LOXL2: variants seen among roughly 807,000 people sequenced by gnomAD.
LOXL2 encodes lysyl oxidase homolog 2.
LOXL2 carries 70 observed loss-of-function variants against 93.0 expected under a neutral mutation model. The ratio of observed to expected loss-of-function variants is 0.75; its 90% confidence interval spans 0.62 to 0.92. The LOEUF (loss-of-function observed/expected upper bound fraction) is 0.92, where lower values mean the gene tolerates loss of function less well. LOXL2 is among the 40% of genes least tolerant of loss of function. The pLI is 0.00. For synonymous variants in LOXL2, 438 were observed against 413.2 expected, an observed-to-expected ratio of 1.06 and a Z score of -0.73; for missense variants, 973 against 1,054.9, an observed-to-expected ratio of 0.92 and a Z score of 1.08.
chr8:23,379,655 CG>C, intron 1 of LOXL2, among the ~76,000 whole-genome samples: 1 of 10,868 alleles, frequency 9.2e-5, no homozygotes, highest in Non-Finnish European at 1.4e-4. Flanking sequence ...CTCCCCCAGC[CG>C]CCTTGCTGCC....
In LOXL2 at chr8:23,403,156, T is replaced by C. The variant is rs759144851; in HGVS notation, c.-84+798A>G. Among the ~76,000 whole-genome samples the C allele has an allele frequency of 3.4e-4, 52 of 152,044 alleles. 2 individuals carry two copies. The highest frequency in any genetic ancestry group is 1.3e-4 in the Non-Finnish European group (9 of 68,000). The stretch of plus-strand genomic sequence containing the variant: ...GAAGGGGCGCGGTGGGCAAAGCGCC[T>C]GCGTAAAAGTTGTAGGCACTTCAGA... On this transcript the variant is annotated intron_variant, in intron 1 of 13. Transcript: ENST00000389131.
rs551085764 is a variant in LOXL2, at chr8:23,388,424, T to A, written c.-84+15530A>T. Among the ~76,000 whole-genome samples the A allele has an allele frequency of 5.3e-5, 8 of 150,526 alleles. No homozygotes were observed. The South Asian group carries it at 6.4e-4, about 12-fold the overall frequency. ...GAGATCCTGTCTCTACAAAAAAATT[T>A]TTTTTTTTAATTGGCTGGGCATGGT... On this transcript the variant is annotated intron_variant, in intron 1 of 13. Transcript: ENST00000389131.
chr8:23,390,818 T>C (rs367889226), intron 1 of LOXL2, among the ~76,000 whole-genome samples: 2 of 152,192 alleles, frequency 1.3e-5, no homozygotes, highest in African/African-American at 4.8e-5. Flanking sequence ...GGATGCCTTA[T>C]TAGTCTGTTT....
Position 23,360,200 on chromosome 8 carries a change from T to G in LOXL2, c.421A>C (p.Asn141His). The G allele has an allele frequency of 6.2e-7, 1 of 1,614,066 alleles. No individual in the cohort carries two copies. Residue 141 changes from asparagine (N) to histidine (H), a missense_variant, in exon 3 of 14, where the codon AAT (asparagine) becomes CAT (histidine). Transcript: ENST00000389131. ...NEATLAACTS[N>H]GWGVTDCKHT... ...TTGCAGTCAGTGACGCCCCAGCCAT[T>G]GGAGGTGCATGCTGCAAGGGTCGCC...
intron 1 of LOXL2, among the ~76,000 whole-genome samples, chr8:23,378,197 G>A (rs1804622525): frequency 6.6e-6 from 1 of 152,182 alleles, no homozygotes; most frequent in Admixed American, 6.5e-5. Context: ...CTTCACTTAT[G>A]AAGCTTAGTT....
chr8:23,298,595 C>G (rs929090421), intron 13 of LOXL2, among the ~76,000 whole-genome samples: 5 of 152,218 alleles, frequency 3.3e-5, no homozygotes, highest in Admixed American at 6.5e-5. Flanking sequence ...CCTTAAAAAG[C>G]CTTGGGGTCT....
intron 6 of LOXL2, among the ~76,000 whole-genome samples, chr8:23,327,934 T>A (rs182352103): frequency 3.2e-4 from 49 of 152,248 alleles, no homozygotes; most frequent in African/African-American, 1.1e-3. Context: ...GGAGGGAGTG[T>A]GTGCAGGGCT....
rs190069549 is a variant in LOXL2 at position 23,371,733 on chromosome 8, A to C, written c.-83-3299T>G. ...CGCCACTGCACTCCAGCCTGGGCGA[A>C]AGAGTGAGAGTCTGTCTCAAAAAAA... On this transcript the variant is annotated intron_variant, in intron 1 of 13. Coordinates refer to ENST00000389131, the MANE Select transcript of LOXL2 (RefSeq NM_002318.3). 4.6e-3 allele frequency among the ~76,000 whole-genome samples: 530 copies of C among 115,782 alleles called. 5 individuals carry two copies. The highest frequency in any genetic ancestry group is 0.023 in the East Asian group (77 of 3,402). 76.0% of individuals were successfully genotyped at this position (115,782 alleles called of 152,430 possible).
intron 1 of LOXL2, among the ~76,000 whole-genome samples, chr8:23,394,218 C>T (rs1478273839): frequency 6.6e-6 from 1 of 151,950 alleles, no homozygotes; most frequent in Non-Finnish European, 1.5e-5. Context: ...CATGGTGAAA[C>T]CTTGTCTCTA....
rs760666026 is a variant in LOXL2 at position 23,298,036 on chromosome 8, G to C, written c.*7C>G. On this transcript the variant is annotated 3_prime_UTR_variant, in exon 14 of 14. Transcript: ENST00000389131. Reference sequence around the variant, plus strand: ...CCTGAAGACAGGAGTTGACCACGCAGGCTTCTTTACTGCGGGGACAGCTGG... The same window carrying C: ...CCTGAAGACAGGAGTTGACCACGCACGCTTCTTTACTGCGGGGACAGCTGG... 6.2e-7 allele frequency: 1 copy of C among 1,612,980 alleles called. No individual in the cohort carries two copies. The highest frequency in any genetic ancestry group is 1.1e-5 in the South Asian group (1 of 90,884).
chr8:23,374,537 A>C (rs1453272324), intron 1 of LOXL2, among the ~76,000 whole-genome samples: 2 of 152,178 alleles, frequency 1.3e-5, no homozygotes, highest in African/African-American at 4.8e-5. Context: ...TGTCTTCCAC[A>C]ATGGTTGAAC....
chr8:23,308,724 G>A (rs1803271107), intron 10 of LOXL2, among the ~76,000 whole-genome samples: 1 of 152,186 alleles, frequency 6.6e-6, no homozygotes, highest in Non-Finnish European at 1.5e-5. Context: ...AGGTCTGGCT[G>A]TAGGATTTCA....
chr8:23,302,954 C>T (rs1803165531), intron 11 of LOXL2, among the ~76,000 whole-genome samples: 1 of 152,114 alleles, frequency 6.6e-6, no homozygotes, highest in Non-Finnish European at 1.5e-5. Context: ...TTGGTGGCAG[C>T]CAGAGTGGGA....
intron 1 of LOXL2, chr8:23,386,001 T>C (rs1804754645): frequency 1.3e-6 from 1 of 765,178 alleles, no homozygotes; most frequent in African/African-American, 1.7e-5. Flanking sequence ...ACAACACAGC[T>C]TTGGACAACC....
intron 10 of LOXL2, among the ~76,000 whole-genome samples, chr8:23,305,239 T>A (rs560184127): frequency 1.6e-4 from 24 of 152,340 alleles, no homozygotes; most frequent in African/African-American, 5.8e-4. Context: ...CTCCGTTGTC[T>A]AAACAGAATT....
At chr8:23,365,948 C>T (rs1482035111) in intron 2 of LOXL2, 1 of 152,236 alleles carries the variant, frequency 6.6e-6, no homozygotes, top group Admixed American at 6.5e-5. Flanking sequence ...ATATTCCCTC[C>T]ACTCCTTGGA....
At chr8:23,379,804 T>C (rs939111817) in intron 1 of LOXL2, among the ~76,000 whole-genome samples, 2 of 152,082 alleles carry the variant, frequency 1.3e-5, no homozygotes, top group Non-Finnish European at 2.9e-5. Flanking sequence ...AGTATTAGGG[T>C]GGGAGTGACA....
At chr8:23,352,445 CTCTCTGGTGGGAG>C in intron 3 of LOXL2, among the ~76,000 whole-genome samples, 1 of 152,164 alleles carries the variant, frequency 6.6e-6, no homozygotes, top group Non-Finnish European at 1.5e-5. Context: ...CCAGTGCAAC[CTCTCTGGTGGGAG>C]TCAGGAGAAG....
chr8:23,377,056 T>C (rs9774213), intron 1 of LOXL2, among the ~76,000 whole-genome samples: 29,296 of 151,552 alleles, frequency 0.19, 3,199 homozygotes, highest in African/African-American at 0.32. Flanking sequence ...AGATCTTTCC[T>C]GCTTTCTCTT....
Sources: gnomAD v4.1 joint callset for allele counts (sites outside exome capture counted in the v4.1 genomes callset) on GRCh38, gnomAD v4.1.1 for gene constraint, MANE v1.5 for transcripts, NCBI Gene and HGNC (gene_info 2026-07-23, HGNC 2026-07-21) for gene names.